Variants in EXOC2 observed in about 807,000 individuals in gnomAD.
The protein encoded by EXOC2 is exocyst complex component 2, also known as SEC5-like 1.
EXOC2 carries 70 observed loss-of-function variants against 131.8 expected under a neutral mutation model. The ratio of observed to expected loss-of-function variants is 0.53; its 90% CI spans 0.44 to 0.65. The LOEUF (loss-of-function observed/expected upper bound fraction) is 0.65. EXOC2 is among the 30% of genes least tolerant of loss of function. The pLI is 0.00. For synonymous variants in EXOC2, 411 were observed against 398.4 expected (o/e 1.03, Z -0.38); for missense variants, 923 against 1,108.6 (o/e 0.83, Z 2.38).
intron 2 of EXOC2, among the ~76,000 whole-genome samples, chr6:635,702 T>G (rs1232852553): frequency 6.6e-6 from 1 of 152,262 alleles, no homozygotes; most frequent in Non-Finnish European, 1.5e-5. Flanking sequence ...TTAAGTTTGC[T>G]TTTTTAAAAA....
chr6:657,896 T>C (rs1162175451), intron 1 of EXOC2, among the ~76,000 whole-genome samples: 1 of 152,214 alleles, frequency 6.6e-6, no homozygotes, highest in African/African-American at 2.4e-5. Context: ...GTCCATTACA[T>C]GTACTGTAAA....
chr6:504,961 G>A (rs988356446), intron 23 of EXOC2, among the ~76,000 whole-genome samples: 2 of 152,132 alleles, frequency 1.3e-5, no homozygotes, highest in African/African-American at 4.8e-5. Flanking sequence ...TGACTAAAAA[G>A]CATAATGACT....
intron 21 of EXOC2, among the ~76,000 whole-genome samples, chr6:553,390 AGTGTGTGTGT>A (rs34996425): frequency 6.7e-6 from 1 of 149,942 alleles, no homozygotes; most frequent in Non-Finnish European, 1.5e-5. Flanking sequence ...TTTGTGTATA[AGTGTGTGTGT>A]GTGTGTGTGT....
At chr6:540,930 A>T (rs1175171355) in intron 22 of EXOC2, among the ~76,000 whole-genome samples, 1 of 152,224 alleles carries the variant, frequency 6.6e-6, no homozygotes, top group Non-Finnish European at 1.5e-5. Flanking sequence ...TTTTCTCAGT[A>T]ATCAAGAGAT....
chr6:594,726 A>G (rs986163187), intron 10 of EXOC2, among the ~76,000 whole-genome samples: 35 of 152,236 alleles, frequency 2.3e-4, no homozygotes, highest in African/African-American at 8.2e-4. Context: ...GGAGTTTATA[A>G]AAGTTTTACA....
intron 11 of EXOC2, among the ~76,000 whole-genome samples, chr6:591,427 C>A (rs908096200): frequency 5.3e-5 from 8 of 152,072 alleles, no homozygotes; most frequent in Non-Finnish European, 1.0e-4. Flanking sequence ...GTAACCTGTG[C>A]ACATTCTCCC....
intron 1 of EXOC2, among the ~76,000 whole-genome samples, chr6:688,280 G>A (rs1764758327): frequency 6.6e-6 from 1 of 152,176 alleles, no homozygotes; most frequent in South Asian, 2.1e-4. Flanking sequence ...AAGATTCCTT[G>A]ATGGCCCAGC....
chr6:563,980 G>C, intron 16 of EXOC2, 53 bp downstream of exon 16: 1 of 1,591,086 alleles, frequency 6.3e-7, no homozygotes, highest in Non-Finnish European at 8.6e-7. Flanking sequence ...AAAGGAGGTG[G>C]CACATTCAGA....
chr6:506,019 G>C lies in EXOC2; in HGVS notation c.2381-6319C>G, dbSNP rs1764525880. On this transcript the variant is annotated intron_variant, in intron 23 of 27. Transcript: ENST00000230449. The surrounding 1 kb of genome is among the most constrained non-coding windows in gnomAD (Gnocchi z 4.4). ...TCTGCGTCATCTACTAAAAGTAAGT[G>C]CCTCGGCATACATGGAAAGAAGGTA... is the stretch of plus-strand genomic sequence containing the variant. Among the ~76,000 whole-genome samples the C allele has an allele frequency of 6.6e-6, 1 of 152,198 alleles. No homozygotes were observed. The highest frequency in any genetic ancestry group is 1.5e-5 in the Non-Finnish European group (1 of 68,032).
intron 13 of EXOC2, among the ~76,000 whole-genome samples, chr6:565,403 C>T (rs1757919574): frequency 6.6e-6 from 1 of 152,188 alleles, no homozygotes; most frequent in African/African-American, 2.4e-5. Context: ...GGATAAAATA[C>T]ATTCTATCAT....
In EXOC2 at chr6:549,199, G is replaced by A; in HGVS notation, c.2214C>T (p.Phe738=). The A allele has an allele frequency of 6.2e-7, 1 of 1,614,048 alleles. No homozygotes were observed. The highest frequency in any genetic ancestry group is 8.5e-7 in the Non-Finnish European group (1 of 1,179,944). ...CCTGTGTGATTTTTTCTATTCCCTG[G>A]AAGTTGTGCTTTTCAAAATGTTCTG... ...NIAEHFEKHN[F]QGIEKITQVS... Residue 738 remains phenylalanine (F), a synonymous_variant, in exon 22 of 28, where the codon TTC becomes TTT. Transcript: ENST00000230449.
intron 1 of EXOC2, among the ~76,000 whole-genome samples, chr6:687,380 A>G (rs1764713003): frequency 6.6e-6 from 1 of 151,800 alleles, no homozygotes; most frequent in African/African-American, 2.4e-5. Flanking sequence ...AAGGGGCCTC[A>G]TTATGTTGCC....
At chr6:505,100 C>CTA (rs1764452129) in intron 23 of EXOC2, among the ~76,000 whole-genome samples, 1 of 151,790 alleles carries the variant, frequency 6.6e-6, no homozygotes, top group Non-Finnish European at 1.5e-5. Flanking sequence ...CAAGGAATGG[C>CTA]TAACAGTTGA....
At chr6:548,964 G>C (rs1757002718) in intron 22 of EXOC2, among the ~76,000 whole-genome samples, 2 of 152,178 alleles carry the variant, frequency 1.3e-5, no homozygotes, top group Non-Finnish European at 2.9e-5. Context: ...CTAGAGAAAA[G>C]AAAAGGGTAT....
rs752845296 is a variant in EXOC2 at position 504,558 on chromosome 6, G to A, written c.2381-4858C>T. Among the ~76,000 whole-genome samples the A allele has an allele frequency of 1.7e-4, 26 of 152,316 alleles. 1 individual carries two copies. Among genetic ancestry groups the A allele is most frequent in the South Asian group, 1.0e-3 (5 of 4,832 alleles). On this transcript the variant is annotated intron_variant, in intron 23 of 27. Coordinates refer to ENST00000230449, the MANE Select transcript of EXOC2 (RefSeq NM_018303.6). ...CAATGTCACTATCAGTAACGTTAGT[G>A]CTTGATAATTCCTTTTAAGTTTATT...
intron 6 of EXOC2, among the ~76,000 whole-genome samples, chr6:613,900 A>G (rs1043040635): frequency 1.2e-4 from 18 of 151,862 alleles, no homozygotes; most frequent in African/African-American, 4.1e-4. Context: ...ATAAATAAAT[A>G]AAATAAAATA....
chr6:671,099 G>A (rs1763842422), intron 1 of EXOC2, among the ~76,000 whole-genome samples: 1 of 150,222 alleles, frequency 6.7e-6, no homozygotes, highest in African/African-American at 2.4e-5. Flanking sequence ...GCTCACGCCT[G>A]TAATCCCAAC....
At chr6:572,462 TA>T in intron 13 of EXOC2, 57 bp downstream of exon 13, 2 of 1,544,588 alleles carry the variant, frequency 1.3e-6, no homozygotes, top group Non-Finnish European at 1.7e-6. Flanking sequence ...TCTAACATTT[TA>T]AAGACCAGAA....
In EXOC2 at chr6:556,544, G is replaced by A. The variant is rs80197137; in HGVS notation, c.1872C>T (p.Cys624=). Residue 624 remains cysteine (C), a synonymous_variant, in exon 18 of 28, where the codon TGC becomes TGT. Coordinates refer to ENST00000230449, the MANE Select transcript of EXOC2 (RefSeq NM_018303.6). ...TCAGTGACTGCAGAGAACACACGAT[G>A]CACTGTTCAAACTGACATGGCTGAA... ...LTSLPCQFEQ[C]IVCSLQSLKG... 2.3e-4 allele frequency: 378 copies of A among 1,614,184 alleles called. 1 individual carries two copies. The African/African-American group carries it at 4.4e-3, about 19-fold the overall frequency.
Sources: allele counts gnomAD v4.1 joint callset (sites outside exome capture counted in the v4.1 genomes callset), GRCh38; gene constraint gnomAD v4.1.1; non-coding constraint Gnocchi (gnomAD v3.1); transcripts MANE v1.5; gene names NCBI Gene and HGNC (gene_info 2026-07-23, HGNC 2026-07-21).